KIF9: variants seen among roughly 807,000 people sequenced by gnomAD.
The protein encoded by KIF9 is kinesin-like protein KIF9.
KIF9 carries 68 observed loss-of-function variants against 94.8 expected under a neutral mutation model. The observed-to-expected ratio is 0.72, with a 90% confidence interval of 0.59 to 0.88. The LOEUF (loss-of-function observed/expected upper bound fraction) is 0.88. Ranked by LOEUF, KIF9 falls within the 40% of genes least tolerant of loss-of-function variation. KIF9 has a pLI of 0.00. For missense variants in KIF9, 882 were observed against 982.5 expected (o/e 0.90, Z 1.37); for synonymous variants, 343 against 362.1 (o/e 0.95, Z 0.60).
At chr3:47,270,398 C>T (rs939476037) in intron 5 of KIF9, among the ~76,000 whole-genome samples, 28 of 151,642 alleles carry the variant, frequency 1.8e-4, no homozygotes, top group Non-Finnish European at 2.5e-4. Flanking sequence ...GGATTACAGG[C>T]ACCCGCCACC....
rs528326995 is a variant in KIF9, at chr3:47,228,607, G to A, written c.*45C>T. The A allele has an allele frequency of 3.3e-6, 5 of 1,498,268 alleles. No individual in the cohort carries two copies. In the African/African-American group the frequency reaches 4.1e-5, roughly 12 times the overall value. 92.8% of individuals were successfully genotyped at this position (1,498,268 alleles called of 1,614,324 possible). On this transcript the variant is annotated 3_prime_UTR_variant, in exon 21 of 21. Coordinates refer to ENST00000684063, the MANE Select transcript of KIF9 (RefSeq NM_182902.4). ...TGGTTGAGCAGCTCCACTACAGTAG[G>A]TGGGAGTTGCTGGTCTTGTCCTTTA...
At position 47,269,768 on chromosome 3, in the gene KIF9, ATTTTT is replaced by A. The variant is rs36108313; in HGVS notation, c.591+1464_591+1468del. 9.3e-5 allele frequency among the ~76,000 whole-genome samples: 8 copies of A among 86,450 alleles called. 1 individual carries two copies. In the South Asian group the frequency reaches 1.8e-3, roughly 19 times the overall value. 56.7% of individuals were successfully genotyped at this position (86,450 alleles called of 152,430 possible). On this transcript the variant is annotated intron_variant, in intron 5 of 20. Transcript: ENST00000684063. ...AGGTGCCCACCACCACTCCCAGCTA[ATTTTT>A]TTTTTTTTTTTTTTTTTTTTTGAGA...
At chr3:47,266,875 T>C in intron 7 of KIF9, 101 bp downstream of exon 7, 1 of 915,872 alleles carries the variant, frequency 1.1e-6, no homozygotes, top group South Asian at 1.4e-5. Context: ...CAGGACTGTG[T>C]TCACAAATAT....
intron 10 of KIF9, chr3:47,250,568 G>C: frequency 2.0e-6 from 1 of 491,906 alleles, no homozygotes; most frequent in Admixed American, 2.0e-5. Flanking sequence ...TTCAAGGGTG[G>C]CACATCTCAC....
At chr3:47,238,972 G>A (rs1699265072) in intron 17 of KIF9, among the ~76,000 whole-genome samples, 1 of 152,224 alleles carries the variant, frequency 6.6e-6, no homozygotes, top group Admixed American at 6.5e-5. Flanking sequence ...CGAAAATCGG[G>A]CAGATCACCT....
At chr3:47,238,884 TG>T (rs1339570667) in intron 17 of KIF9, among the ~76,000 whole-genome samples, 1 of 151,880 alleles carries the variant, frequency 6.6e-6, no homozygotes, top group African/African-American at 2.4e-5. Flanking sequence ...AGGATGGCCT[TG>T]ATCTCCTGAC....
At chr3:47,261,006 T>A (rs1214498688) in intron 9 of KIF9, among the ~76,000 whole-genome samples, 1 of 152,142 alleles carries the variant, frequency 6.6e-6, no homozygotes, top group Non-Finnish European at 1.5e-5. Flanking sequence ...CCTTGAGGAA[T>A]CATGGGCCTG....
intron 19 of KIF9, 86 bp from the exon 20 acceptor site, chr3:47,235,703 G>A: frequency 9.0e-7 from 1 of 1,113,342 alleles, no homozygotes; most frequent in East Asian, 2.4e-5. Context: ...GTCCCTTGCT[G>A]GGTTTGTGCC....
intron 10 of KIF9, among the ~76,000 whole-genome samples, chr3:47,251,258 T>C (rs1195062771): frequency 6.6e-6 from 1 of 152,146 alleles, no homozygotes; most frequent in African/African-American, 2.4e-5. Flanking sequence ...CTTACATGTC[T>C]GGGCCAATCA....
intron 18 of KIF9, 42 bp from the exon 19 acceptor site, chr3:47,236,191 G>T (rs1699012940): frequency 7.0e-7 from 1 of 1,424,530 alleles, no homozygotes; most frequent in Admixed American, 1.7e-5. Flanking sequence ...AAGCCGGTAA[G>T]GGCTGTGTGC....
At chr3:47,247,083 C>T (rs1699973614) in intron 12 of KIF9, among the ~76,000 whole-genome samples, 1 of 152,176 alleles carries the variant, frequency 6.6e-6, no homozygotes, top group Non-Finnish European at 1.5e-5. Flanking sequence ...TTTCCCTCCC[C>T]ACTAGGCAGG....
chr3:47,235,947 A>G (rs1340249697), intron 19 of KIF9, 87 bp downstream of exon 19: 1 of 1,007,678 alleles, frequency 9.9e-7, no homozygotes, highest in Non-Finnish European at 1.5e-6. Context: ...ACACACTGCC[A>G]TCTTTGTGTT....
At chr3:47,281,133 T>C in intron 1 of KIF9, 2 of 662,028 alleles carry the variant, frequency 3.0e-6, no homozygotes, top group East Asian at 2.7e-5. Flanking sequence ...TGGTTGGTGA[T>C]GGTAATGGCT....
chr3:47,274,695 C>T (rs2107506972), intron 3 of KIF9, among the ~76,000 whole-genome samples: 1 of 152,360 alleles, frequency 6.6e-6, no homozygotes, highest in East Asian at 1.9e-4. Flanking sequence ...CTTAGTTCCT[C>T]TGTCTTCACC....
intron 17 of KIF9, among the ~76,000 whole-genome samples, chr3:47,239,191 A>G (rs575927559): frequency 6.6e-6 from 1 of 152,040 alleles, no homozygotes; most frequent in South Asian, 2.1e-4. Flanking sequence ...CAAGAGTGAA[A>G]CTCCATCTCG....
At chr3:47,265,507 A>G (rs1216756437) in intron 8 of KIF9, among the ~76,000 whole-genome samples, 1 of 152,212 alleles carries the variant, frequency 6.6e-6, no homozygotes, top group Non-Finnish European at 1.5e-5. Context: ...TAGCACAGGT[A>G]AAAAGCCTAA....
At chr3:47,234,612 T>C (rs1458233564) in intron 20 of KIF9, among the ~76,000 whole-genome samples, 1 of 150,582 alleles carries the variant, frequency 6.6e-6, no homozygotes, top group Non-Finnish European at 1.5e-5. Flanking sequence ...TGGAGTAAAG[T>C]GGTGTGATCT....
At chr3:47,234,347 C>T (rs907795244) in intron 20 of KIF9, among the ~76,000 whole-genome samples, 14 of 152,010 alleles carry the variant, frequency 9.2e-5, no homozygotes, top group African/African-American at 3.1e-4. Context: ...AATTGTCCTG[C>T]CTCAGCCTCC....
chr3:47,234,356 C>T (rs1698851463), intron 20 of KIF9, among the ~76,000 whole-genome samples: 1 of 151,958 alleles, frequency 6.6e-6, no homozygotes, highest in South Asian at 2.1e-4. Flanking sequence ...GCCTCAGCCT[C>T]CCGAGTGGCT....
Sources: allele counts gnomAD v4.1 joint callset (sites outside exome capture counted in the v4.1 genomes callset), GRCh38; gene constraint gnomAD v4.1.1; transcripts MANE v1.5; gene names NCBI Gene and HGNC (gene_info 2026-07-23, HGNC 2026-07-21).